FOXP1: variants seen among roughly 807,000 people sequenced by gnomAD.
FOXP1 encodes the protein forkhead box P1.
In FOXP1, 15 loss-of-function variants were observed where a neutral mutation model predicts 98.2. That is an observed-to-expected ratio of 0.15 (90% CI 0.10 to 0.24). The LOEUF (loss-of-function observed/expected upper bound fraction) is 0.24, where lower values mean the gene tolerates loss of function less well. Among genes scored for constraint, FOXP1 ranks in the 10% least tolerant of loss-of-function variants. The probability of loss-of-function intolerance (pLI) is 1.00; values close to 1 mark genes in which losing one functional copy is unlikely to be tolerated. For synonymous variants in FOXP1, 371 were observed against 314.5 expected (o/e 1.18, Z -1.90); for missense variants, 633 against 848.5 (o/e 0.75, Z 3.15).
chr3:70,965,763 G>T, intron 20 of FOXP1, 127 bp downstream of exon 20: 2 of 979,050 alleles, frequency 2.0e-6, no homozygotes, highest in Non-Finnish European at 3.3e-6. Flanking sequence ...CAAACTTCTA[G>T]CTTGGTTCTG....
At chr3:71,583,909 C>T (rs2048393844), upstream of FOXP1, 4 of 984,800 alleles carry the variant, frequency 4.1e-6, no homozygotes, top group Non-Finnish European at 4.8e-6. Flanking sequence ...GCTTCACGCA[C>T]CCCGCTGGGC....
chr3:70,983,922 A>ATT, intron 14 of FOXP1, among the ~76,000 whole-genome samples: 1 of 152,216 alleles, frequency 6.6e-6, no homozygotes, highest in Non-Finnish European at 1.5e-5. Context: ...TCCACAGAGT[A>ATT]AGCACGGAGA....
At chr3:70,962,035 C>T (rs2033660887) in intron 20 of FOXP1, among the ~76,000 whole-genome samples, 1 of 152,206 alleles carries the variant, frequency 6.6e-6, no homozygotes, top group African/African-American at 2.4e-5. Context: ...ATTAGTTATG[C>T]TGATGATGAT....
At chr3:71,105,469 T>G (rs559788167) in intron 7 of FOXP1, among the ~76,000 whole-genome samples, 2 of 152,208 alleles carry the variant, frequency 1.3e-5, no homozygotes, top group Non-Finnish European at 2.9e-5. Flanking sequence ...ATAATGGTAA[T>G]TAGCGAGGTG....
At chr3:71,393,896 T>G (rs2108141521) in intron 3 of FOXP1, among the ~76,000 whole-genome samples, 1 of 152,352 alleles carries the variant, frequency 6.6e-6, no homozygotes, top group East Asian at 1.9e-4. Flanking sequence ...GATCTCACTG[T>G]GTTGCCCAGG....
At chr3:71,066,080 C>G (rs1217758948) in intron 7 of FOXP1, among the ~76,000 whole-genome samples, 1 of 120,396 alleles carries the variant, frequency 8.3e-6, no homozygotes, top group Non-Finnish European at 1.7e-5. Context: ...CAATGAATGC[C>G]TATTTGCCTT....
chr3:71,497,615 G>C (rs2091505959), intron 2 of FOXP1, among the ~76,000 whole-genome samples: 1 of 152,128 alleles, frequency 6.6e-6, no homozygotes, highest in Non-Finnish European at 1.5e-5. Flanking sequence ...TCTTAAACAA[G>C]TTCCAGGAAT....
intron 5 of FOXP1, among the ~76,000 whole-genome samples, chr3:71,240,327 T>C (rs116722744): frequency 6.6e-6 from 1 of 152,240 alleles, no homozygotes; most frequent in Non-Finnish European, 1.5e-5. Flanking sequence ...GGAAGGGCAG[T>C]GTACTGGCCA....
intron 4 of FOXP1, among the ~76,000 whole-genome samples, chr3:71,338,492 A>G (rs779112029): frequency 1.3e-5 from 2 of 152,150 alleles, no homozygotes; most frequent in Non-Finnish European, 2.9e-5. Context: ...CACCCAGGCA[A>G]TCTCGGCTCA....
At position 70,977,975 on chromosome 3, in the gene FOXP1, G is replaced by T. The variant is rs1234028937; in HGVS notation, c.1201C>A (p.Gln401Lys). The T allele has an allele frequency of 6.2e-7, 1 of 1,614,090 alleles. No individual in the cohort carries two copies. Among genetic ancestry groups the T allele is most frequent in the African/African-American group, 1.3e-5 (1 of 74,924 alleles). Residue 401 changes from glutamine (Q) to lysine (K), a missense_variant, in exon 15 of 21, where the codon CAG becomes AAG. By Grantham distance (53) the Gln-to-Lys change is moderately conservative. This residue lies in a region of FOXP1 where 141 missense variants were observed against 199.5 expected (regional missense o/e 0.71). Transcript: ENST00000649528. ...GTCGTTGGAGTATGAGGTAAGCTCT[G>T]TGGAGAAGCCTCCGATGCGGACTTG... is the stretch of plus-strand genomic sequence containing the variant. ...LSKSASEASP[Q>K]SLPHTPTTPT...
At chr3:71,564,100 C>T (rs1053673156) in intron 2 of FOXP1, among the ~76,000 whole-genome samples, 1 of 152,198 alleles carries the variant, frequency 6.6e-6, no homozygotes, top group Admixed American at 6.5e-5. Flanking sequence ...CCCAGCAAAA[C>T]CGTATTTTAG....
chr3:71,580,978 G>C (rs905523587), intron 2 of FOXP1: 81 of 985,400 alleles, frequency 8.2e-5, no homozygotes, highest in Non-Finnish European at 9.3e-5. Flanking sequence ...CCCCTCAGAA[G>C]TGGACTGCAT....
intron 1 of FOXP1, among the ~76,000 whole-genome samples, chr3:71,583,208 G>A (rs573094801): frequency 4.3e-4 from 66 of 152,140 alleles, no homozygotes; most frequent in African/African-American, 1.5e-3. Context: ...GGGGCCTACG[G>A]GCAGGCGATC....
intron 20 of FOXP1, among the ~76,000 whole-genome samples, chr3:70,960,775 T>C (rs989399718): frequency 7.2e-5 from 11 of 152,162 alleles, no homozygotes; most frequent in South Asian, 2.1e-4. Context: ...TCAGAATCAA[T>C]TGACTCTAAA....
In FOXP1 at chr3:71,085,735, C is replaced by CTTTT. The variant is rs56318177; in HGVS notation, c.282+26797_282+26800dup. 6.8e-4 allele frequency among the ~76,000 whole-genome samples: 25 copies of CTTTT among 37,036 alleles called. 8 individuals are homozygous for CTTTT. In the South Asian group the frequency reaches 8.2e-3, roughly 12 times the overall value. The allele number at this position is 37,036 out of a possible 152,430, so 24.3% of individuals were successfully genotyped here. A position where few individuals can be genotyped will look rare whatever the true frequency, so the allele number is the denominator to read the frequency against. Reference sequence around the variant, plus strand: ...TTGTATGGTGGGTATCATTTATGGCCTTTTTTTTTTTTTTACATGGAGTCT... The same window carrying CTTTT: ...TTGTATGGTGGGTATCATTTATGGCCTTTTTTTTTTTTTTTTTTACATGGAGTCT... On this transcript the variant is annotated intron_variant, in intron 7 of 20. Transcript: ENST00000649528.
chr3:71,050,704 T>C (rs886076424), intron 9 of FOXP1, among the ~76,000 whole-genome samples: 7 of 152,204 alleles, frequency 4.6e-5, no homozygotes, highest in African/African-American at 7.2e-5. Flanking sequence ...TGTTGATCAA[T>C]TGCACCTCCT....
At chr3:71,425,290 T>C (rs1463329530) in intron 3 of FOXP1, among the ~76,000 whole-genome samples, 1 of 152,074 alleles carries the variant, frequency 6.6e-6, no homozygotes, top group Non-Finnish European at 1.5e-5. Flanking sequence ...TAATTATTTG[T>C]TGTTGTTGTA....
intron 7 of FOXP1, among the ~76,000 whole-genome samples, chr3:71,067,764 A>ACACACACACACAC (rs71104409): frequency 4.3e-4 from 60 of 140,994 alleles, no homozygotes; most frequent in Non-Finnish European, 5.6e-4. Flanking sequence ...ACACACACAC[A>ACACACACACACAC]ATTAGCCACG....
At chr3:71,165,714 A>G (rs2061368419) in intron 6 of FOXP1, among the ~76,000 whole-genome samples, 1 of 152,198 alleles carries the variant, frequency 6.6e-6, no homozygotes, top group Admixed American at 6.5e-5. Flanking sequence ...AAAAGAAAAA[A>G]TATGGCCAGA....
Sources: gnomAD v4.1 joint callset for allele counts (sites outside exome capture counted in the v4.1 genomes callset) on GRCh38, gnomAD v4.1.1 for gene constraint, gnomAD v4.1.1 regional missense constraint, MANE v1.5 for transcripts, NCBI Gene and HGNC (gene_info 2026-07-23, HGNC 2026-07-21) for gene names.